CAPN3: variants seen among roughly 807,000 people sequenced by gnomAD.
CAPN3 encodes the protein calpain-3.
In CAPN3, 88 loss-of-function variants were observed where a neutral mutation model predicts 114.0. The observed-to-expected ratio is 0.77, with a 90% CI of 0.65 to 0.92. The LOEUF is 0.92. Ranked by LOEUF, CAPN3 falls within the 40% of genes least tolerant of loss-of-function variation. CAPN3 has a pLI of 0.00. For missense variants in CAPN3, 1,028 were observed against 1,069.0 expected, an observed-to-expected ratio of 0.96 and a Z score of 0.53; for synonymous variants, 386 against 382.9, an observed-to-expected ratio of 1.01 and a Z score of -0.09.
chr15:42,403,129 A>G, intron 13 of CAPN3, 127 bp downstream of exon 13: 1 of 747,370 alleles, frequency 1.3e-6, no homozygotes, highest in Non-Finnish European at 2.4e-6. Context: ...GCCACTGGCC[A>G]CATTACCCCC....
In CAPN3 at chr15:42,386,247, A is replaced by G; in HGVS notation, c.460A>G (p.Ser154Gly). 1.2e-6 allele frequency: 2 copies of G among 1,614,052 alleles called. No homozygotes were observed. The highest frequency in any genetic ancestry group is 2.2e-5 in the South Asian group (2 of 91,084). The change falls in exon 3 of 24, where the codon AGT (serine) becomes GGT (glycine). Residue 154 changes from serine to glycine, a missense_variant. Physicochemically the swap from Ser to Gly is moderately conservative, Grantham distance 56. Coordinates refer to ENST00000397163, the MANE Select transcript of CAPN3 (RefSeq NM_000070.3). ...LLFRVIPHDQ[S>G]FIENYAGIFH... ...TTTCCGAGTCATACCCCATGATCAA[A>G]GTTTCATCGAAAACTACGCAGGGAT...
chr15:42,385,905 G>C (rs1052020176), intron 2 of CAPN3: 1 of 684,006 alleles, frequency 1.5e-6, no homozygotes, highest in East Asian at 2.9e-5. Context: ...AGTTTATACT[G>C]CAGTTGGAGG....
rs1161138385 is a variant in CAPN3, at chr15:42,359,914, G to A, written c.109G>A (p.Gly37Arg). ...AQSKATEAGGGNPSGIYSAII... is the reference protein window; with the variant it reads ...AQSKATEAGGRNPSGIYSAII... Reference sequence around the variant, plus strand: ...GAGCAAGGCCACTGAGGCTGGGGGTGGAAACCCAAGTGGCATCTATTCAGC... The same window carrying A: ...GAGCAAGGCCACTGAGGCTGGGGGTAGAAACCCAAGTGGCATCTATTCAGC... Residue 37 changes from glycine to arginine, a missense_variant, in exon 1 of 24, where the codon GGA (glycine) becomes AGA (arginine). Physicochemically the swap from Gly to Arg is moderately radical, Grantham distance 125. Coordinates refer to ENST00000397163, the MANE Select transcript of CAPN3 (RefSeq NM_000070.3). 6.2e-7 allele frequency: 1 copy of A among 1,614,216 alleles called. No individual in the cohort carries two copies.
At chr15:42,396,546 T>C (rs1324050820) in intron 8 of CAPN3, among the ~76,000 whole-genome samples, 1 of 152,056 alleles carries the variant, frequency 6.6e-6, no homozygotes. Flanking sequence ...AGCCCAGAAC[T>C]CAATTCTTAA....
At chr15:42,361,835 T>G (rs967036896) in intron 1 of CAPN3, among the ~76,000 whole-genome samples, 1 of 152,212 alleles carries the variant, frequency 6.6e-6, no homozygotes, top group African/African-American at 2.4e-5. Flanking sequence ...GTTCCAAGTC[T>G]TCTCACACCG....
chr15:42,406,338 A>C (rs1402233340), intron 15 of CAPN3, among the ~76,000 whole-genome samples: 1 of 152,044 alleles, frequency 6.6e-6, no homozygotes, highest in Non-Finnish European at 1.5e-5. Context: ...CCTGAACCAC[A>C]AGAGGCCATC....
intron 1 of CAPN3, among the ~76,000 whole-genome samples, chr15:42,378,485 C>A (rs2053150789): frequency 6.6e-6 from 1 of 152,170 alleles, no homozygotes; most frequent in Admixed American, 6.5e-5. Flanking sequence ...ACTGAACTCC[C>A]AAAAGTGATA....
At chr15:42,383,515 G>A (rs536230895) in intron 1 of CAPN3, among the ~76,000 whole-genome samples, 2 of 152,098 alleles carry the variant, frequency 1.3e-5, no homozygotes, top group South Asian at 4.2e-4. Flanking sequence ...CTTGAACCTG[G>A]GAGGCAGAGT....
chr15:42,381,184 T>G (rs2053242089), intron 1 of CAPN3, among the ~76,000 whole-genome samples: 2 of 152,292 alleles, frequency 1.3e-5, no homozygotes, highest in Middle Eastern at 3.4e-3. Flanking sequence ...AATCAAGATT[T>G]TATTTTATCT....
chr15:42,402,643 G>C (rs946852615), intron 12 of CAPN3, 151 bp from the exon 13 acceptor site: 83 of 1,536,106 alleles, frequency 5.4e-5, no homozygotes, highest in Non-Finnish European at 7.1e-5. Context: ...AGGTAGGGAG[G>C]CTATTTAAGC....
intron 5 of CAPN3, 57 bp from the exon 6 acceptor site, chr15:42,389,896 C>G (rs766540393): frequency 6.5e-5 from 104 of 1,588,446 alleles, no homozygotes; most frequent in Non-Finnish European, 8.2e-5. Context: ...TTCCACCCTT[C>G]TGTGTTTGTT....
At chr15:42,396,767 C>A in intron 8 of CAPN3, 33 bp from the exon 9 acceptor site, 1 of 1,567,766 alleles carries the variant, frequency 6.4e-7, no homozygotes, top group Non-Finnish European at 8.8e-7. Context: ...TTCCCTTCTT[C>A]CTGCTTCCTT....
chr15:42,411,210 G>T, intron 22 of CAPN3, 77 bp from the exon 23 acceptor site: 1 of 1,258,380 alleles, frequency 7.9e-7, no homozygotes, highest in Non-Finnish European at 1.2e-6. Context: ...TGGGCACATG[G>T]TCCTCTGAGG....
chr15:42,397,504 C>T (rs144146990), intron 9 of CAPN3, among the ~76,000 whole-genome samples: 10 of 152,152 alleles, frequency 6.6e-5, no homozygotes, highest in East Asian at 1.9e-4. Flanking sequence ...AGTAGCCGGG[C>T]GTGGCAGCGT....
At chr15:42,364,802 C>T (rs1234345488) in intron 1 of CAPN3, among the ~76,000 whole-genome samples, 2 of 152,222 alleles carry the variant, frequency 1.3e-5, no homozygotes, top group Non-Finnish European at 1.5e-5. Context: ...TCGTTTTTCC[C>T]ATCTGCATGT....
rs1315657432 is a variant in CAPN3 at position 42,388,985 on chromosome 15, C to T, written c.690C>T (p.Asp230=). Reference sequence around the variant, plus strand: ...GGAACACCACAGAGGCCATGGAGGACTTCACAGGAGGGGTGGCAGAGTTTT... The same window carrying T: ...GGAACACCACAGAGGCCATGGAGGATTTCACAGGAGGGGTGGCAGAGTTTT... ...KGGNTTEAME[D]FTGGVAEFFE... is the part of the protein sequence containing the mutation. Residue 230 remains aspartate (D), a synonymous_variant, in exon 5 of 24, where the codon GAC becomes GAT. Transcript: ENST00000397163. 3.1e-6 allele frequency: 5 copies of T among 1,613,956 alleles called. No individual in the cohort carries two copies. The highest frequency in any genetic ancestry group is 1.3e-5 in the African/African-American group (1 of 74,886).
chr15:42,399,252 G>A (rs904693748), intron 9 of CAPN3, among the ~76,000 whole-genome samples: 3 of 152,054 alleles, frequency 2.0e-5, no homozygotes, highest in African/African-American at 7.2e-5. Context: ...GAGAGCATGC[G>A]ACATTTATCT....
At chr15:42,411,567 C>A (rs562460229) in intron 23 of CAPN3, among the ~76,000 whole-genome samples, 180 bp from the exon 24 acceptor site, 1 of 151,682 alleles carries the variant, frequency 6.6e-6, no homozygotes, top group Non-Finnish European at 1.5e-5. Context: ...GGAAAACATG[C>A]ACCTTCTTAG....
chr15:42,390,351 TCAGA>T (rs1470065313), intron 6 of CAPN3, among the ~76,000 whole-genome samples: 1 of 152,216 alleles, frequency 6.6e-6, no homozygotes, highest in Non-Finnish European at 1.5e-5. Context: ...TAACGAACTA[TCAGA>T]CAGAAATACT....
Sources: allele counts gnomAD v4.1 joint callset (sites outside exome capture counted in the v4.1 genomes callset), GRCh38; gene constraint gnomAD v4.1.1; transcripts MANE v1.5; gene names NCBI Gene and HGNC (gene_info 2026-07-23, HGNC 2026-07-21).